Variants in CIPC observed in about 807,000 individuals in gnomAD.
CIPC encodes CLOCK-interacting pacemaker.
In CIPC, 12 loss-of-function variants were observed where a neutral mutation model predicts 26.7. The observed-to-expected ratio is 0.45, with a 90% CI of 0.29 to 0.73. CIPC has a LOEUF of 0.73. CIPC is among the 30% of genes least tolerant of loss of function. The pLI, the probability that CIPC is intolerant of heterozygous loss-of-function variation, is 0.12. For synonymous variants in CIPC, 170 were observed against 189.8 expected, an observed-to-expected ratio of 0.90 and a Z score of 0.86; for missense variants, 417 against 486.5, an observed-to-expected ratio of 0.86 and a Z score of 1.34.
chr14:77,108,302 T>C (rs867185040), intron 2 of CIPC, among the ~76,000 whole-genome samples: 2 of 152,238 alleles, frequency 1.3e-5, no homozygotes, highest in African/African-American at 4.8e-5. Flanking sequence ...GATAATACTT[T>C]ATAATTGTGT....
rs776670026 is a variant in CIPC at position 77,105,862 on chromosome 14, C to G, written c.136+18C>G. The G allele has an allele frequency of 4.3e-6, 7 of 1,612,210 alleles. No homozygotes were observed. Among genetic ancestry groups the G allele is most frequent in the Non-Finnish European group, 5.9e-6 (7 of 1,179,280 alleles). ...CTTTTCAGGTTAAAAATATCTTATC[C>G]TTCCTCTGTTTTGTGAGTGAATGCT... is the stretch of plus-strand genomic sequence containing the variant. On this transcript the variant is annotated intron_variant, in intron 2 of 3. Coordinates refer to ENST00000361786, the MANE Select transcript of CIPC (RefSeq NM_033426.3).
chr14:77,114,342 C>A lies in CIPC; in HGVS notation c.*24C>A, dbSNP rs751691483. ...AGCACAGAGGCATATTTTCCTGTTA[C>A]TTGAGTGGTTCTTTTAGCTCATTTG... On this transcript the variant is annotated 3_prime_UTR_variant, in exon 4 of 4. Transcript: ENST00000361786. The A allele has an allele frequency of 6.4e-7, 1 of 1,561,086 alleles. No individual in the cohort carries two copies. The highest frequency in any genetic ancestry group is 8.6e-7 in the Non-Finnish European group (1 of 1,157,428).
At chr14:77,112,351 G>A (rs866510757) in intron 3 of CIPC, among the ~76,000 whole-genome samples, 14 of 152,174 alleles carry the variant, frequency 9.2e-5, no homozygotes, top group South Asian at 2.1e-4. Context: ...ATGTATAATT[G>A]AGGAGTAATA....
intron 2 of CIPC, among the ~76,000 whole-genome samples, chr14:77,107,551 A>G (rs1048314711): frequency 6.6e-6 from 1 of 152,130 alleles, no homozygotes; most frequent in Admixed American, 6.6e-5. Context: ...AAAAAATTTC[A>G]AATCTATACA....
chr14:77,100,245 T>TC (rs1449655619), intron 1 of CIPC, among the ~76,000 whole-genome samples: 2 of 146,898 alleles, frequency 1.4e-5, no homozygotes, highest in Admixed American at 1.3e-4. Flanking sequence ...TCTTTCTTTT[T>TC]TTTTTTTTTT....
Position 77,114,405 on chromosome 14 carries a change from G to A in CIPC, c.*87G>A. 7.3e-7 allele frequency: 1 copy of A among 1,377,752 alleles called. No individual in the cohort carries two copies. The allele number at this position is 1,377,752 out of a possible 1,614,324, so 85.3% of individuals were successfully genotyped here. On this transcript the variant is annotated 3_prime_UTR_variant, in exon 4 of 4. Transcript: ENST00000361786. Reference sequence around the variant, plus strand: ...CCTGTTTCCCAAAGCTTATGTAAGAGCTTTTCCTTCTAAACTTAAACTGTG... The same window carrying A: ...CCTGTTTCCCAAAGCTTATGTAAGAACTTTTCCTTCTAAACTTAAACTGTG...
In CIPC at chr14:77,114,835, T is replaced by G. The variant is rs1886779477; in HGVS notation, c.*517T>G. ...GTACTAGTTGGGCGAGACCTAAAAT[T>G]CCCTGGGCACAGGTTGCACCTGGGT... On this transcript the variant is annotated 3_prime_UTR_variant, in exon 4 of 4. Transcript: ENST00000361786. 6.5e-6 allele frequency: 1 copy of G among 154,966 alleles called. No individual in the cohort carries two copies. Among genetic ancestry groups the G allele is most frequent in the Admixed American group, 6.3e-5 (1 of 15,970 alleles). 9.6% of individuals were successfully genotyped at this position (154,966 alleles called of 1,614,324 possible). A position where few individuals can be genotyped will look rare whatever the true frequency, so the allele number is the denominator to read the frequency against.
chr14:77,100,673 A>T (rs975760169), intron 1 of CIPC, among the ~76,000 whole-genome samples: 4 of 150,714 alleles, frequency 2.7e-5, no homozygotes, highest in Admixed American at 6.6e-5. Flanking sequence ...GGTTCAAGGG[A>T]TTCTCCTGCC....
rs1225240352 is a variant in CIPC, at chr14:77,113,841, G to A, written c.723G>A (p.Gln241=). ...CTCTGGTGGCAGGTGGAAGTCCACA[G>A]ACTCTTCAGCCGGTATCCAGCAGTC... The part of the protein sequence containing the change: ...VPSLVAGGSP[Q]TLQPVSSSHV... Residue 241 remains glutamine, a synonymous_variant, in exon 4 of 4, where the codon CAG becomes CAA. Coordinates refer to ENST00000361786, the MANE Select transcript of CIPC (RefSeq NM_033426.3). The A allele has an allele frequency of 6.2e-7, 1 of 1,613,996 alleles. No homozygotes were observed. The highest frequency in any genetic ancestry group is 1.3e-5 in the African/African-American group (1 of 74,924).
At position 77,113,750 on chromosome 14, in the gene CIPC, G is replaced by C; in HGVS notation, c.632G>C (p.Ser211Thr). The change falls in exon 4 of 4, where the codon AGT (serine) becomes ACT (threonine). Residue 211 changes from serine (S) to threonine (T), a missense_variant. Ser to Thr is a moderately conservative substitution (Grantham distance 58, BLOSUM62 1). Transcript: ENST00000361786. ...ACCAAGGCTGGTGCTGTCCCATCCA[G>C]TCCCTCGACGCCAGCACCACCCAGC... is the stretch of plus-strand genomic sequence containing the variant. Reference protein sequence around the residue: ...EPTKAGAVPSSPSTPAPPSAK... With the variant: ...EPTKAGAVPSTPSTPAPPSAK... The C allele has an allele frequency of 6.2e-7, 1 of 1,612,866 alleles. No homozygotes were observed. Among genetic ancestry groups the C allele is most frequent in the Non-Finnish European group, 8.5e-7 (1 of 1,179,126 alleles).
chr14:77,103,129 A>G (rs1886523894), intron 1 of CIPC, among the ~76,000 whole-genome samples: 1 of 152,232 alleles, frequency 6.6e-6, no homozygotes, highest in African/African-American at 2.4e-5. Flanking sequence ...GTCCCCTTAA[A>G]TGAGTTAGAT....
Position 77,115,146 on chromosome 14 carries a change from TTTTGAAACAGTGTAACCTG to T in CIPC, c.*832_*850del, listed in dbSNP as rs1886786258. ...TAACTTAGGCTTTTTTTCTCTCTTC[TTTTGAAACAGTGTAACCTG>T]TTTTATGTCTAAAAATCTTAAGGAT... On this transcript the variant is annotated 3_prime_UTR_variant, in exon 4 of 4. Transcript: ENST00000361786. The T allele has an allele frequency of 2.0e-5, 3 of 152,200 alleles. No homozygotes were observed. The highest frequency in any genetic ancestry group is 7.2e-5 in the African/African-American group (3 of 41,450). 9.4% of individuals were successfully genotyped at this position (152,200 alleles called of 1,614,324 possible).
In CIPC at chr14:77,110,076, G is replaced by T; in HGVS notation, c.306+95G>T. On this transcript the variant is annotated intron_variant, in intron 3 of 3. Transcript: ENST00000361786. ...AGATTTATATTCTCTGCCAAGGAGA[G>T]ATTTTAGAAACAGACCATTAGAACC... The T allele has an allele frequency of 2.3e-6, 3 of 1,303,068 alleles. No individual in the cohort carries two copies. The East Asian group carries it at 7.2e-5, about 31-fold the overall frequency. 80.7% of individuals were successfully genotyped at this position (1,303,068 alleles called of 1,614,324 possible). A position where few individuals can be genotyped will look rare whatever the true frequency, so the allele number is the denominator to read the frequency against.
At chr14:77,113,294 A>G (rs990742309) in intron 3 of CIPC, 131 bp from the exon 4 acceptor site, 27 of 945,922 alleles carry the variant, frequency 2.9e-5, no homozygotes, top group East Asian at 7.5e-5. Flanking sequence ...TCAAACCACT[A>G]TGTGAGAGAA....
chr14:77,100,381 A>G (rs1236977093), intron 1 of CIPC, among the ~76,000 whole-genome samples: 1 of 151,532 alleles, frequency 6.6e-6, no homozygotes, highest in East Asian at 1.9e-4. Flanking sequence ...AGCTGGGATT[A>G]CAGGCACACA....
intron 2 of CIPC, among the ~76,000 whole-genome samples, chr14:77,108,993 G>C (rs536503004): frequency 6.6e-6 from 1 of 152,162 alleles, no homozygotes; most frequent in Admixed American, 6.5e-5. Flanking sequence ...GGCTCATCTC[G>C]TATCTTCCCT....
Position 77,109,905 on chromosome 14 carries a change from A to G in CIPC, c.230A>G (p.Gln77Arg). ...LGWSREDRPR[Q>R]NSKTAKNAFP... ...TGGAGCAGAGAAGACAGGCCGAGGC[A>G]GAACTCCAAAACTGCAAAGAATGCC... is the stretch of plus-strand genomic sequence containing the variant. The change falls in exon 3 of 4, where the codon CAG becomes CGG. Residue 77 changes from glutamine to arginine, a missense_variant. Gln to Arg is a conservative substitution (Grantham distance 43). Coordinates refer to ENST00000361786, the MANE Select transcript of CIPC (RefSeq NM_033426.3). 1 of 1,614,230 alleles carries G rather than the reference A, an allele frequency of 6.2e-7. No individual in the cohort carries two copies. Among genetic ancestry groups the G allele is most frequent in the Non-Finnish European group, 8.5e-7 (1 of 1,180,032 alleles).
intron 1 of CIPC, among the ~76,000 whole-genome samples, chr14:77,099,567 C>T (rs1566803063): frequency 6.6e-6 from 1 of 152,150 alleles, no homozygotes; most frequent in Non-Finnish European, 1.5e-5. Context: ...CTTTCTGTGA[C>T]CTTATCACTT....
chr14:77,107,608 T>C (rs959966921), intron 2 of CIPC, among the ~76,000 whole-genome samples: 12 of 146,324 alleles, frequency 8.2e-5, no homozygotes, highest in Admixed American at 2.9e-4. Flanking sequence ...CATATATGCT[T>C]TCTCTCTCTC....
Sources: gnomAD v4.1 joint callset for allele counts (sites outside exome capture counted in the v4.1 genomes callset) on GRCh38, gnomAD v4.1.1 for gene constraint, MANE v1.5 for transcripts, NCBI Gene and HGNC (gene_info 2026-07-23, HGNC 2026-07-21) for gene names.